Variants in NOX3 observed in about 807,000 individuals in gnomAD.
NOX3 encodes the protein NADPH oxidase catalytic subunit-like 3.
In NOX3, 74 loss-of-function variants were observed where a neutral mutation model predicts 76.7. That is an observed-to-expected ratio of 0.96 (90% CI 0.80 to 1.17). The LOEUF (loss-of-function observed/expected upper bound fraction) is 1.17. Among genes scored for constraint, NOX3 ranks in the 50% most tolerant of loss-of-function variants. The probability of loss-of-function intolerance (pLI) is 0.00; values close to 1 mark genes in which losing one functional copy is unlikely to be tolerated. For synonymous variants in NOX3, 263 were observed against 261.1 expected, an observed-to-expected ratio of 1.01 and a Z score of -0.07; for missense variants, 695 against 703.3, an observed-to-expected ratio of 0.99 and a Z score of 0.13.
chr6:155,440,697 A>C (rs1002848444), intron 5 of NOX3, among the ~76,000 whole-genome samples: 2 of 151,114 alleles, frequency 1.3e-5, no homozygotes, highest in African/African-American at 2.4e-5. Context: ...AAAAAAAAAA[A>C]CCAAAGTGAT....
chr6:155,430,879 C>T lies in NOX3; in HGVS notation c.855G>A (p.Arg285=). ...CAACTTCTTGTTGAAATCGCCAGAA[C>T]CTAATTATTCTTTCACATGCATACA... ...VVLYACERII[R]FWRFQQEVVI... Residue 285 remains arginine, a synonymous_variant, in exon 8 of 14, where the codon AGG becomes AGA. Transcript: ENST00000159060. The T allele has an allele frequency of 6.2e-7, 1 of 1,613,342 alleles. No homozygotes were observed. Among genetic ancestry groups the T allele is most frequent in the South Asian group, 1.1e-5 (1 of 91,036 alleles).
rs773367253 is a variant in NOX3, at chr6:155,430,833, A to T, written c.891+10T>A. ...CAGGCTTTTATTCAGACATAAAGCT[A>T]CATGCATACCTTGGTAATGACAACT... On this transcript the variant is annotated intron_variant, in intron 8 of 13. Transcript: ENST00000159060. The T allele has an allele frequency of 2.5e-6, 4 of 1,585,700 alleles. No homozygotes were observed. The highest frequency in any genetic ancestry group is 3.5e-6 in the Non-Finnish European group (4 of 1,155,242).
chr6:155,406,164 C>T (rs756099765), intron 12 of NOX3, among the ~76,000 whole-genome samples: 3 of 152,088 alleles, frequency 2.0e-5, no homozygotes, highest in African/African-American at 4.8e-5. Flanking sequence ...TTTTAAGAGC[C>T]GTAGACAATG....
chr6:155,418,559 C>T (rs1187177889), intron 10 of NOX3, among the ~76,000 whole-genome samples: 3 of 152,120 alleles, frequency 2.0e-5, no homozygotes, highest in Non-Finnish European at 4.4e-5. Context: ...TCCCCTCCTG[C>T]CCATTCTTCC....
At chr6:155,442,207 T>C (rs1038693021) in intron 5 of NOX3, among the ~76,000 whole-genome samples, 2 of 152,068 alleles carry the variant, frequency 1.3e-5, no homozygotes, top group Admixed American at 6.5e-5. Flanking sequence ...GAGCTTGCAG[T>C]GAGCCGTGAT....
At chr6:155,442,212 C>T (rs554546957) in intron 5 of NOX3, among the ~76,000 whole-genome samples, 1 of 151,988 alleles carries the variant, frequency 6.6e-6, no homozygotes, top group East Asian at 1.9e-4. Context: ...TGCAGTGAGC[C>T]GTGATCGCAC....
chr6:155,441,444 T>G (rs1776984463), intron 5 of NOX3, among the ~76,000 whole-genome samples: 1 of 152,242 alleles, frequency 6.6e-6, no homozygotes, highest in Non-Finnish European at 1.5e-5. Context: ...CACATCATTC[T>G]TCCTTGCCTA....
At chr6:155,413,929 A>G (rs562592380) in intron 10 of NOX3, among the ~76,000 whole-genome samples, 2 of 152,278 alleles carry the variant, frequency 1.3e-5, no homozygotes, top group South Asian at 4.1e-4. Context: ...TTTCTTGAAA[A>G]CTATCCCCAT....
chr6:155,422,683 T>A lies in NOX3; in HGVS notation c.1308+11A>T, dbSNP rs1562463653. 36 of 1,612,702 alleles carry A rather than the reference T, an allele frequency of 2.2e-5. No individual in the cohort carries two copies. Among genetic ancestry groups the A allele is most frequent in the Non-Finnish European group, 3.0e-5 (35 of 1,179,014 alleles). ...AATCCATGGAAGGGTGAACTAATGA[T>A]TTTTCCGTACCTTGCTCAGCTTCAG... On this transcript the variant is annotated intron_variant, in intron 10 of 13. Coordinates refer to ENST00000159060, the MANE Select transcript of NOX3 (RefSeq NM_015718.3).
intron 7 of NOX3, among the ~76,000 whole-genome samples, chr6:155,436,108 G>C (rs1290849917): frequency 6.6e-6 from 1 of 152,190 alleles, no homozygotes; most frequent in Non-Finnish European, 1.5e-5. Flanking sequence ...GATGCAGGGA[G>C]CACAAAGAAG....
At chr6:155,418,002 A>C (rs1314088140) in intron 10 of NOX3, among the ~76,000 whole-genome samples, 1 of 152,234 alleles carries the variant, frequency 6.6e-6, no homozygotes, top group Non-Finnish European at 1.5e-5. Context: ...TTCTTGTATA[A>C]TCTGTTGTAT....
chr6:155,428,387 A>G (rs1350784173), intron 9 of NOX3, among the ~76,000 whole-genome samples: 1 of 152,192 alleles, frequency 6.6e-6, no homozygotes, highest in Admixed American at 6.5e-5. Flanking sequence ...AGAAGAGGAC[A>G]CAGAAACATA....
intron 10 of NOX3, among the ~76,000 whole-genome samples, chr6:155,416,744 C>CTTTTTTTTTTTTTTTTTTTTTTTTTTT (rs534711414): frequency 3.2e-5 from 3 of 92,534 alleles, no homozygotes; most frequent in African/African-American, 1.2e-4. Flanking sequence ...CTGAAACATT[C>CTTTTTTTTTTTTTTTTTTTTTTTTTTT]TTTTTTTTTT....
chr6:155,407,052 A>G, intron 12 of NOX3, 78 bp downstream of exon 12: 1 of 1,529,638 alleles, frequency 6.5e-7, no homozygotes, highest in South Asian at 1.1e-5. Context: ...GGTACTGCAG[A>G]TTAACTTTTC....
chr6:155,407,927 C>T (rs1375417676), intron 11 of NOX3, among the ~76,000 whole-genome samples: 5 of 152,120 alleles, frequency 3.3e-5, no homozygotes, highest in Non-Finnish European at 7.4e-5. Context: ...AAATGACAGC[C>T]CACAGCATAA....
intron 10 of NOX3, among the ~76,000 whole-genome samples, chr6:155,420,478 TTTGCTTGCTTTGTTAAATATA>T (rs1171751487): frequency 2.0e-5 from 3 of 152,152 alleles, no homozygotes; most frequent in African/African-American, 7.2e-5. Flanking sequence ...CAGTCACTGT[TTTGCTTGCTTTGTTAAATATA>T]TTATGGCGTA....
chr6:155,444,504 C>T (rs1777035207), intron 4 of NOX3, among the ~76,000 whole-genome samples: 1 of 152,126 alleles, frequency 6.6e-6, no homozygotes, highest in African/African-American at 2.4e-5. Context: ...CCATCAGGTG[C>T]TTCCTTTAAG....
In NOX3 at chr6:155,443,708, A is replaced by G. The variant is rs529087199; in HGVS notation, c.341-290T>C. Reference sequence around the variant, plus strand: ...TCATGGAAGTGGAATAAATGTTATGATATCTCAGCATAATTATATATGAAA... The same window carrying G: ...TCATGGAAGTGGAATAAATGTTATGGTATCTCAGCATAATTATATATGAAA... On this transcript the variant is annotated intron_variant, in intron 4 of 13. Coordinates refer to ENST00000159060, the MANE Select transcript of NOX3 (RefSeq NM_015718.3). 6.6e-5 allele frequency among the ~76,000 whole-genome samples: 10 copies of G among 152,232 alleles called. No homozygotes were observed. In the East Asian group the frequency reaches 1.9e-3, roughly 29 times the overall value.
intron 12 of NOX3, among the ~76,000 whole-genome samples, chr6:155,402,425 T>C (rs1457275635): frequency 6.6e-6 from 1 of 152,214 alleles, no homozygotes; most frequent in Non-Finnish European, 1.5e-5. Context: ...TGTGTTTTTG[T>C]AATATAGCTA....
Sources: allele counts gnomAD v4.1 joint callset (sites outside exome capture counted in the v4.1 genomes callset), GRCh38; gene constraint gnomAD v4.1.1; transcripts MANE v1.5; gene names NCBI Gene and HGNC (gene_info 2026-07-23, HGNC 2026-07-21).